Variants in DLGAP2 observed in about 807,000 individuals in gnomAD.
DLGAP2 encodes disks large-associated protein 2.
A neutral mutation model predicts 100.3 loss-of-function variants in DLGAP2; 26 were observed. The ratio of observed to expected loss-of-function variants is 0.26; its 90% CI spans 0.19 to 0.36. The LOEUF is 0.36. Among genes scored for constraint, DLGAP2 ranks in the 10% least tolerant of loss-of-function variants. The probability of loss-of-function intolerance (pLI) is 1.00; values close to 1 mark genes in which losing one functional copy is unlikely to be tolerated. For synonymous variants in DLGAP2, 886 were observed against 630.1 expected, an observed-to-expected ratio of 1.41 and a Z score of -6.08; for missense variants, 1,858 against 1,453.2, an observed-to-expected ratio of 1.28 and a Z score of -4.53.
chr8:1,003,283 C>T (rs958449495), intron 2 of DLGAP2: 5 of 152,252 alleles, frequency 3.3e-5, no homozygotes, highest in African/African-American at 1.2e-4. Flanking sequence ...CATCCCATCC[C>T]CCGCTATGGC....
rs139137772 is a variant in DLGAP2 at position 1,229,171 on chromosome 8, C to T, written c.74-29680C>T. Among the ~76,000 whole-genome samples the T allele has an allele frequency of 3.5e-4, 53 of 151,954 alleles. No individual in the cohort carries two copies. In the East Asian group the frequency reaches 8.7e-3, roughly 25 times the overall value. On this transcript the variant is annotated intron_variant, in intron 2 of 14. Transcript: ENST00000637795. Reference sequence around the variant, plus strand: ...TGACCAAGATGTTATAAAACTTATACTCTGAAAACTATAAAATATTGAAAT... The same window carrying T: ...TGACCAAGATGTTATAAAACTTATATTCTGAAAACTATAAAATATTGAAAT...
intron 3 of DLGAP2, among the ~76,000 whole-genome samples, chr8:1,423,391 A>G (rs1232695002): frequency 6.6e-6 from 1 of 152,128 alleles, no homozygotes; most frequent in African/African-American, 2.4e-5. Context: ...AGGGGTCTGG[A>G]CTGGAGTTTG....
intron 8 of DLGAP2, among the ~76,000 whole-genome samples, chr8:1,645,650 C>G (rs150694292): frequency 1.4e-4 from 21 of 152,240 alleles, no homozygotes; most frequent in African/African-American, 5.1e-4. Flanking sequence ...GGTTGATTAT[C>G]CAGACAATAA....
At chr8:901,458 A>G (rs999792819) in intron 1 of DLGAP2, among the ~76,000 whole-genome samples, 11 of 152,218 alleles carry the variant, frequency 7.2e-5, no homozygotes, top group African/African-American at 2.4e-4. Context: ...AAGTGTGGAA[A>G]CACCTTTTGG....
chr8:1,344,744 A>C (rs891771926), intron 3 of DLGAP2, among the ~76,000 whole-genome samples: 1 of 151,988 alleles, frequency 6.6e-6, no homozygotes, highest in Non-Finnish European at 1.5e-5. Context: ...GCTCGGCTCC[A>C]TTTTCTGCAC....
At chr8:1,417,265 C>T (rs983140689) in intron 3 of DLGAP2, among the ~76,000 whole-genome samples, 5 of 150,484 alleles carry the variant, frequency 3.3e-5, no homozygotes, top group African/African-American at 1.2e-4. Context: ...ATTCATTTAG[C>T]GTCTGAGGCG....
intron 1 of DLGAP2, among the ~76,000 whole-genome samples, chr8:808,840 A>T (rs1007471704): frequency 2.6e-5 from 4 of 151,884 alleles, no homozygotes; most frequent in Admixed American, 6.6e-5. Context: ...AGCCAGTAAT[A>T]ACCCTTATAT....
chr8:1,022,366 C>A (rs1801650046), intron 2 of DLGAP2, among the ~76,000 whole-genome samples: 1 of 149,122 alleles, frequency 6.7e-6, no homozygotes, highest in African/African-American at 2.5e-5. Context: ...AAACACCACC[C>A]ACCCTCCCTG....
chr8:1,150,332 C>T (rs1023821852), intron 2 of DLGAP2, among the ~76,000 whole-genome samples: 1 of 152,180 alleles, frequency 6.6e-6, no homozygotes, highest in African/African-American at 2.4e-5. Context: ...ATTAGGAAGC[C>T]AGGGCATGGT....
intron 2 of DLGAP2, among the ~76,000 whole-genome samples, chr8:1,233,312 G>A (rs1798575850): frequency 2.0e-5 from 3 of 152,174 alleles, no homozygotes; most frequent in African/African-American, 7.2e-5. Context: ...TTTGCCACGT[G>A]ATATATTTAC....
intron 2 of DLGAP2, among the ~76,000 whole-genome samples, chr8:1,169,415 G>A (rs1797083106): frequency 6.6e-6 from 1 of 152,112 alleles, no homozygotes; most frequent in Non-Finnish European, 1.5e-5. Flanking sequence ...CCAATTCTGT[G>A]AAGAAAGTCA....
chr8:881,198 T>G lies in DLGAP2; in HGVS notation c.19-26714T>G, dbSNP rs186651869. 2.3e-3 allele frequency among the ~76,000 whole-genome samples: 352 copies of G among 152,312 alleles called. 2 individuals are homozygous for G. The Middle Eastern group carries it at 0.027, about 12-fold the overall frequency. Reference sequence around the variant, plus strand: ...AGTTAAGCGACCTAGGATAGGGATTTTTACTTTTCAGAAAATTAATAGGCG... The same window carrying G: ...AGTTAAGCGACCTAGGATAGGGATTGTTACTTTTCAGAAAATTAATAGGCG... On this transcript the variant is annotated intron_variant, in intron 1 of 14. Coordinates refer to ENST00000637795, the MANE Select transcript of DLGAP2 (RefSeq NM_001346810.2).
intron 4 of DLGAP2, among the ~76,000 whole-genome samples, chr8:1,521,439 G>T (rs71499009): frequency 9.3e-5 from 2 of 21,608 alleles, no homozygotes; most frequent in East Asian, 6.0e-4. Context: ...TGGAATACTC[G>T]GGCGGCAGGT....
rs559328209 is a variant in DLGAP2, at chr8:1,546,382, T to A, written c.173-2244T>A. Among the ~76,000 whole-genome samples the A allele has an allele frequency of 3.3e-5, 5 of 152,164 alleles. No individual in the cohort carries two copies. In the East Asian group the frequency reaches 9.7e-4, roughly 29 times the overall value. On this transcript the variant is annotated intron_variant, in intron 4 of 14. Transcript: ENST00000637795. The stretch of plus-strand genomic sequence containing the variant: ...CGGGATCCCTCAGGAAATCTTTACG[T>A]TCCCTTCTGCATTCACACCTGGGTG...
chr8:1,690,844 C>T (rs1393076227), intron 12 of DLGAP2, among the ~76,000 whole-genome samples: 1 of 151,878 alleles, frequency 6.6e-6, no homozygotes, highest in Non-Finnish European at 1.5e-5. Flanking sequence ...GTAGCGTTAG[C>T]ATTACACATA....
At chr8:1,627,908 C>T (rs1797547446) in intron 7 of DLGAP2, among the ~76,000 whole-genome samples, 1 of 151,226 alleles carries the variant, frequency 6.6e-6, no homozygotes, top group Non-Finnish European at 1.5e-5. Context: ...GAGCCGACCT[C>T]ACATTCTTTC....
chr8:1,576,369 C>G (rs1802978344), intron 6 of DLGAP2, among the ~76,000 whole-genome samples: 1 of 152,094 alleles, frequency 6.6e-6, no homozygotes, highest in Admixed American at 6.6e-5. Context: ...TGGATATTAG[C>G]CCTTTGTCAG....
chr8:1,506,881 A>T (rs1376062492), intron 4 of DLGAP2, among the ~76,000 whole-genome samples: 1 of 152,236 alleles, frequency 6.6e-6, no homozygotes, highest in South Asian at 2.1e-4. Context: ...TGCATTTACA[A>T]ACCTTGAGCT....
chr8:1,359,943 G>A (rs963525577), intron 3 of DLGAP2, among the ~76,000 whole-genome samples: 1 of 152,206 alleles, frequency 6.6e-6, no homozygotes, highest in African/African-American at 2.4e-5. Context: ...AAACAGGACC[G>A]TCCTGAGTTC....
Sources: allele counts gnomAD v4.1 joint callset (sites outside exome capture counted in the v4.1 genomes callset), GRCh38; gene constraint gnomAD v4.1.1; transcripts MANE v1.5; gene names NCBI Gene and HGNC (gene_info 2026-07-23, HGNC 2026-07-21).